The following SOX6 variants were observed in gnomAD, a reference collection of about 807,000 sequenced individuals.
SOX6 encodes the protein SRY-box transcription factor 6.
Under a neutral mutation model 97.8 loss-of-function variants are expected in SOX6, and 11 were observed. That is an observed-to-expected ratio of 0.11 (90% CI 0.07 to 0.19). The LOEUF is 0.19. Among genes scored for constraint, SOX6 ranks in the 10% least tolerant of loss-of-function variants. The pLI is 1.00. For missense variants in SOX6, 810 were observed against 1,039.5 expected (o/e 0.78, Z 3.04); for synonymous variants, 360 against 371.4 (o/e 0.97, Z 0.35).
At chr11:16,531,777 T>G (rs1309906954) in intron 4 of SOX6, among the ~76,000 whole-genome samples, 1 of 152,000 alleles carries the variant, frequency 6.6e-6, no homozygotes, top group Admixed American at 6.6e-5. Flanking sequence ...TTTTTCTTGA[T>G]TTCTTTTGAT....
intron 4 of SOX6, among the ~76,000 whole-genome samples, chr11:16,520,559 C>T (rs183103182): frequency 1.7e-4 from 26 of 152,276 alleles, no homozygotes; most frequent in South Asian, 4.1e-4. Flanking sequence ...ACGTAGAAGA[C>T]GGGTGATTTC....
chr11:16,055,635 G>T lies in SOX6; in HGVS notation c.1251+117C>A. 4 of 1,188,446 alleles carry T rather than the reference G, an allele frequency of 3.4e-6. No homozygotes were observed. In the South Asian group the frequency reaches 3.9e-5, roughly 12 times the overall value. 73.6% of individuals were successfully genotyped at this position (1,188,446 alleles called of 1,614,324 possible). ...AATTTACCATAAAGAGGGACATTTT[G>T]GGGTTGCTTTATGTTGCTATGTTTC... On this transcript the variant is annotated intron_variant, in intron 10 of 15. Transcript: ENST00000683767.
chr11:16,390,794 A>G (rs1446712194), intron 1 of SOX6, among the ~76,000 whole-genome samples: 1 of 152,220 alleles, frequency 6.6e-6, no homozygotes, highest in Admixed American at 6.5e-5. Flanking sequence ...CGATGCCTCA[A>G]GGATCTAGAA....
chr11:16,433,604 T>C (rs1027031413), intron 1 of SOX6, among the ~76,000 whole-genome samples: 6 of 152,078 alleles, frequency 3.9e-5, no homozygotes, highest in African/African-American at 1.4e-4. Context: ...ATTTAATTAT[T>C]TTATTCTTCT....
At chr11:16,689,144 C>T (rs1246188896) in intron 3 of SOX6, among the ~76,000 whole-genome samples, 3 of 152,118 alleles carry the variant, frequency 2.0e-5, no homozygotes, top group Non-Finnish European at 4.4e-5. Flanking sequence ...TATTCTTTCC[C>T]TGGACGAGAA....
At chr11:16,659,599 C>T (rs1248674092) in intron 3 of SOX6, among the ~76,000 whole-genome samples, 6 of 152,178 alleles carry the variant, frequency 3.9e-5, no homozygotes, top group Non-Finnish European at 7.3e-5. Context: ...TGCATTGACT[C>T]CATAGATCAA....
chr11:16,008,335 A>T (rs1440961649), intron 13 of SOX6, among the ~76,000 whole-genome samples: 2 of 152,096 alleles, frequency 1.3e-5, no homozygotes, highest in Admixed American at 6.6e-5. Context: ...TTCAGTAATG[A>T]CATAGACAGT....
intron 2 of SOX6, among the ~76,000 whole-genome samples, chr11:16,329,788 C>T (rs1856227412): frequency 6.6e-6 from 1 of 152,172 alleles, no homozygotes; most frequent in South Asian, 2.1e-4. Context: ...TCTCCCTAAA[C>T]GCTTTCACTA....
chr11:16,253,992 G>C lies in SOX6; in HGVS notation c.446-19321C>G, dbSNP rs564799532. Among the ~76,000 whole-genome samples the C allele has an allele frequency of 2.0e-5, 3 of 151,758 alleles. No individual in the cohort carries two copies. The South Asian group carries it at 6.2e-4, about 31-fold the overall frequency. ...AAGTCCAGGGTTGAGGAAGTGGGTGGAAAACACTTAACCTATAGAGGAGCA... is the reference window on the plus strand; with the variant it reads ...AAGTCCAGGGTTGAGGAAGTGGGTGCAAAACACTTAACCTATAGAGGAGCA... On this transcript the variant is annotated intron_variant, in intron 3 of 15. Coordinates refer to ENST00000683767, the MANE Select transcript of SOX6 (RefSeq NM_001367873.1).
At chr11:16,521,637 A>G (rs1861065536) in intron 4 of SOX6, among the ~76,000 whole-genome samples, 1 of 152,228 alleles carries the variant, frequency 6.6e-6, no homozygotes, top group Non-Finnish European at 1.5e-5. Context: ...ATGGAGAATT[A>G]CTTTGACGAG....
intron 2 of SOX6, among the ~76,000 whole-genome samples, chr11:16,335,435 A>T (rs936980294): frequency 3.9e-5 from 6 of 152,156 alleles, no homozygotes; most frequent in Admixed American, 3.3e-4. Context: ...TTACCTTAGG[A>T]GTTATGACTA....
intron 4 of SOX6, among the ~76,000 whole-genome samples, chr11:16,219,778 C>T (rs776213972): frequency 2.6e-4 from 39 of 152,020 alleles, no homozygotes; most frequent in Admixed American, 9.8e-4. Context: ...GGGCCAGTTC[C>T]TAATGCGACA....
intron 3 of SOX6, among the ~76,000 whole-genome samples, chr11:16,662,863 T>C (rs1283613248): frequency 6.6e-6 from 1 of 152,084 alleles, no homozygotes; most frequent in Non-Finnish European, 1.5e-5. Flanking sequence ...CTGGCTTTTT[T>C]GGGGGAGGCG....
At chr11:16,154,737 T>C (rs915447875) in intron 6 of SOX6, among the ~76,000 whole-genome samples, 12 of 152,136 alleles carry the variant, frequency 7.9e-5, no homozygotes, top group African/African-American at 2.9e-4. Flanking sequence ...GTTTCCTGTT[T>C]CTATTTCCCC....
intron 1 of SOX6, among the ~76,000 whole-genome samples, chr11:16,382,921 A>C (rs1857869236): frequency 6.6e-6 from 1 of 151,576 alleles, no homozygotes; most frequent in South Asian, 2.1e-4. Context: ...CATTAAAAAC[A>C]AAACAAACAA....
At chr11:16,138,778 C>T (rs909154348) in intron 6 of SOX6, among the ~76,000 whole-genome samples, 3 of 151,834 alleles carry the variant, frequency 2.0e-5, no homozygotes, top group East Asian at 1.9e-4. Context: ...TCAATTCCCA[C>T]CTATGAGTGA....
At chr11:16,635,216 G>A (rs902812011) in intron 3 of SOX6, among the ~76,000 whole-genome samples, 1 of 152,194 alleles carries the variant, frequency 6.6e-6, no homozygotes, top group Non-Finnish European at 1.5e-5. Flanking sequence ...GAACAATTTC[G>A]AGGGTTCAGA....
intron 13 of SOX6, among the ~76,000 whole-genome samples, chr11:16,007,726 G>C (rs1310440967): frequency 1.3e-5 from 2 of 152,010 alleles, no homozygotes; most frequent in Non-Finnish European, 1.5e-5. Flanking sequence ...GAAGAATCTG[G>C]GCAAGGTCCA....
intron 9 of SOX6, among the ~76,000 whole-genome samples, chr11:16,077,045 G>T (rs539979078): frequency 1.3e-5 from 2 of 152,124 alleles, no homozygotes; most frequent in Admixed American, 6.5e-5. Context: ...GAGCCACCGC[G>T]CCCGGCCGGT....
Sources: gnomAD v4.1 joint callset for allele counts (sites outside exome capture counted in the v4.1 genomes callset) on GRCh38, gnomAD v4.1.1 for gene constraint, MANE v1.5 for transcripts, NCBI Gene and HGNC (gene_info 2026-07-23, HGNC 2026-07-21) for gene names.